XPO4: variants seen among roughly 807,000 people sequenced by gnomAD.
XPO4 encodes exportin 4.
In XPO4, 39 loss-of-function variants were observed where a neutral mutation model predicts 143.0. That is an observed-to-expected ratio of 0.27 (90% CI 0.21 to 0.36). The LOEUF (loss-of-function observed/expected upper bound fraction) is 0.36, where lower values mean the gene tolerates loss of function less well. XPO4 is among the 10% of genes least tolerant of loss of function. The probability of loss-of-function intolerance (pLI) is 1.00; values close to 1 mark genes in which losing one functional copy is unlikely to be tolerated. For missense variants in XPO4, 907 were observed against 1,348.0 expected (o/e 0.67, Z 5.12); for synonymous variants, 439 against 474.0 (o/e 0.93, Z 0.96).
At chr13:20,865,075 G>A (rs972508547) in intron 2 of XPO4, among the ~76,000 whole-genome samples, 6 of 151,484 alleles carry the variant, frequency 4.0e-5, no homozygotes, top group Admixed American at 6.6e-5. Flanking sequence ...CTTTACTTTC[G>A]CTCTCTGTTA....
At chr13:20,898,284 C>A (rs1283982178) in intron 1 of XPO4, among the ~76,000 whole-genome samples, 1 of 152,136 alleles carries the variant, frequency 6.6e-6, no homozygotes, top group East Asian at 1.9e-4. Flanking sequence ...AATGTATGGG[C>A]CGGGTGCGGT....
chr13:20,884,922 G>A (rs911060882), intron 1 of XPO4, among the ~76,000 whole-genome samples: 10 of 152,082 alleles, frequency 6.6e-5, no homozygotes, highest in Non-Finnish European at 1.3e-4. Flanking sequence ...CAGCAATAGC[G>A]CATTAAGTAA....
intron 7 of XPO4, among the ~76,000 whole-genome samples, chr13:20,823,709 T>C (rs1242513282): frequency 6.6e-6 from 1 of 152,208 alleles, no homozygotes; most frequent in Non-Finnish European, 1.5e-5. Flanking sequence ...TGGAGTGCAA[T>C]GGTGCAATCT....
intron 18 of XPO4, among the ~76,000 whole-genome samples, chr13:20,793,455 TTGTTCTTAGAA>T (rs1202312746): frequency 7.9e-5 from 12 of 152,332 alleles, no homozygotes; most frequent in African/African-American, 2.4e-4. Flanking sequence ...GCTCTACAAT[TTGTTCTTAGAA>T]TGGCAGATGG....
At chr13:20,866,612 G>A (rs1192846918) in intron 2 of XPO4, among the ~76,000 whole-genome samples, 3 of 152,056 alleles carry the variant, frequency 2.0e-5, no homozygotes, top group African/African-American at 7.2e-5. Flanking sequence ...TGTAACACAG[G>A]GCTTTGCAGT....
intron 6 of XPO4, among the ~76,000 whole-genome samples, chr13:20,835,635 C>T (rs951505481): frequency 6.6e-6 from 1 of 152,210 alleles, no homozygotes; most frequent in African/African-American, 2.4e-5. Context: ...ATTTCCTTGG[C>T]ACAAACCCCC....
At chr13:20,810,104 C>A (rs1036724009) in intron 9 of XPO4, 137 bp from the exon 10 acceptor site, 2 of 663,596 alleles carry the variant, frequency 3.0e-6, no homozygotes, top group Non-Finnish European at 4.3e-6. Flanking sequence ...TTTTATTGAA[C>A]TTTCTAAAAT....
intron 1 of XPO4, among the ~76,000 whole-genome samples, chr13:20,883,319 A>C (rs2060431011): frequency 6.6e-6 from 1 of 152,238 alleles, no homozygotes; most frequent in Admixed American, 6.5e-5. Flanking sequence ...AAGCATTCCA[A>C]AATTGATGAG....
chr13:20,842,100 C>T (rs79058255), intron 6 of XPO4, among the ~76,000 whole-genome samples: 1 of 152,072 alleles, frequency 6.6e-6, no homozygotes, highest in Non-Finnish European at 1.5e-5. Context: ...ATTCACACAA[C>T]AATCCATACC....
At chr13:20,842,172 C>A (rs987425179) in intron 6 of XPO4, among the ~76,000 whole-genome samples, 1 of 152,106 alleles carries the variant, frequency 6.6e-6, no homozygotes, top group East Asian at 1.9e-4. Flanking sequence ...CTAAGATGAG[C>A]AGAGCCTTGA....
intron 7 of XPO4, among the ~76,000 whole-genome samples, chr13:20,824,775 T>C (rs993906940): frequency 2.6e-5 from 4 of 152,062 alleles, no homozygotes; most frequent in Admixed American, 2.0e-4. Flanking sequence ...CCCAGTGAGA[T>C]GAATGGCAAG....
intron 2 of XPO4, among the ~76,000 whole-genome samples, chr13:20,863,399 A>G (rs996739173): frequency 1.3e-5 from 2 of 152,192 alleles, no homozygotes; most frequent in Admixed American, 1.3e-4. Context: ...AAAAAACAAT[A>G]TAAGTCACAT....
rs534554835 is a variant in XPO4 at position 20,781,306 on chromosome 13, C to T, written c.*2416G>A. 4.6e-5 allele frequency: 7 copies of T among 152,618 alleles called. No individual in the cohort carries two copies. The highest frequency in any genetic ancestry group is 1.4e-4 in the African/African-American group (6 of 41,524). The allele number at this position is 152,618 out of a possible 1,614,324, so 9.5% of individuals were successfully genotyped here. ...GGACAAAATAAAACAAAAGAAAACA[C>T]AAAGTGAATAAGCATCCAATCAGGC... On this transcript the variant is annotated 3_prime_UTR_variant, in exon 23 of 23. Transcript: ENST00000255305.
chr13:20,807,069 G>A (rs1305394506), intron 13 of XPO4, among the ~76,000 whole-genome samples: 2 of 151,984 alleles, frequency 1.3e-5, no homozygotes, highest in African/African-American at 2.4e-5. Flanking sequence ...CCACCGAAAC[G>A]TAGTTTTAGC....
At chr13:20,825,156 G>T (rs1047011613) in intron 7 of XPO4, among the ~76,000 whole-genome samples, 3 of 151,844 alleles carry the variant, frequency 2.0e-5, no homozygotes, top group Non-Finnish European at 2.9e-5. Flanking sequence ...ATGAAAGTGG[G>T]TTTTTTTTCC....
intron 22 of XPO4, among the ~76,000 whole-genome samples, chr13:20,785,804 GAAGGAAGGAAGGAAGA>G (rs2059193391): frequency 7.3e-6 from 1 of 137,454 alleles, no homozygotes; most frequent in South Asian, 2.6e-4. Flanking sequence ...TAAAGGAAGA[GAAGGAAGGAAGGAAGA>G]AAGGAAGGGA....
chr13:20,821,974 A>C (rs541645251), intron 8 of XPO4, 96 bp from the exon 9 acceptor site: 317 of 1,392,358 alleles, frequency 2.3e-4, no homozygotes, highest in Non-Finnish European at 2.8e-4. Context: ...TTACTGATTC[A>C]TTTTAAAAGG....
intron 1 of XPO4, among the ~76,000 whole-genome samples, chr13:20,890,871 G>A (rs980651508): frequency 6.7e-6 from 1 of 149,586 alleles, no homozygotes; most frequent in African/African-American, 2.5e-5. Context: ...ACTTTGGGAA[G>A]CCAAGGTGGG....
Position 20,800,971 on chromosome 13 carries a change from T to C in XPO4, c.1837A>G (p.Arg613Gly). 6.2e-7 allele frequency: 1 copy of C among 1,613,864 alleles called. No individual in the cohort carries two copies. Among genetic ancestry groups the C allele is most frequent in the Non-Finnish European group, 8.5e-7 (1 of 1,179,940 alleles). Residue 613 changes from arginine to glycine, a missense_variant, in exon 14 of 23, where the codon AGA becomes GGA. Transcript: ENST00000255305. ...GCTCGAGATTCAACTTCTGAAACTC[T>C]GAGAATGGCAGACAACAGCCTGTAG... Reference protein sequence around the residue: ...SVIRLLSAILRVSEVESRAIR... With the variant: ...SVIRLLSAILGVSEVESRAIR...
Sources: allele counts gnomAD v4.1 joint callset (sites outside exome capture counted in the v4.1 genomes callset), GRCh38; gene constraint gnomAD v4.1.1; transcripts MANE v1.5; gene names NCBI Gene and HGNC (gene_info 2026-07-23, HGNC 2026-07-21).